ASAP1: variants seen among roughly 807,000 people sequenced by gnomAD.
ASAP1 encodes ArfGAP with SH3 domain, ankyrin repeat and PH domain 1, also known as arf-GAP with SH3 domain, ANK repeat and PH domain-containing protein 1.
In ASAP1, 43 loss-of-function variants were observed where a neutral mutation model predicts 145.2. That is an observed-to-expected ratio of 0.30 (90% CI 0.23 to 0.38). ASAP1 has a LOEUF of 0.38. Among genes scored for constraint, ASAP1 ranks in the 10% least tolerant of loss-of-function variants. ASAP1 has a pLI of 1.00. For missense variants in ASAP1, 1,018 were observed against 1,355.3 expected (o/e 0.75, Z 3.91); for synonymous variants, 546 against 515.5 (o/e 1.06, Z -0.80).
At chr8:130,193,928 G>C (rs1265170552) in intron 5 of ASAP1, among the ~76,000 whole-genome samples, 1 of 152,142 alleles carries the variant, frequency 6.6e-6, no homozygotes, top group African/African-American at 2.4e-5. Context: ...GGCCTCATGT[G>C]ATCTGCCCGC....
At chr8:130,069,817 C>T (rs1345212672) in intron 27 of ASAP1, among the ~76,000 whole-genome samples, 1 of 152,044 alleles carries the variant, frequency 6.6e-6, no homozygotes, top group African/African-American at 2.4e-5. Context: ...ATGAAATTGC[C>T]TGGGGCAAAA....
At chr8:130,421,692 A>C (rs541179094) in intron 1 of ASAP1, among the ~76,000 whole-genome samples, 2 of 152,208 alleles carry the variant, frequency 1.3e-5, no homozygotes, top group Non-Finnish European at 2.9e-5. Flanking sequence ...ACTCCCACCG[A>C]ACTAGAAATA....
chr8:130,170,965 C>T (rs1446205501), intron 9 of ASAP1, among the ~76,000 whole-genome samples: 3 of 152,160 alleles, frequency 2.0e-5, no homozygotes, highest in Non-Finnish European at 1.5e-5. Context: ...ATCTGCTCTC[C>T]TTGGTCTCCC....
At chr8:130,128,699 C>G (rs1199259494) in intron 15 of ASAP1, among the ~76,000 whole-genome samples, 1 of 152,138 alleles carries the variant, frequency 6.6e-6, no homozygotes, top group Non-Finnish European at 1.5e-5. Flanking sequence ...TACAGTATGA[C>G]TACTGTATGT....
chr8:130,420,812 G>C (rs1171481103), intron 1 of ASAP1, among the ~76,000 whole-genome samples: 1 of 151,168 alleles, frequency 6.6e-6, no homozygotes, highest in African/African-American at 2.4e-5. Flanking sequence ...AGAATCACTT[G>C]AACTCGGGAG....
intron 27 of ASAP1, among the ~76,000 whole-genome samples, chr8:130,070,723 G>A (rs1391025088): frequency 1.3e-5 from 2 of 150,842 alleles, no homozygotes; most frequent in Non-Finnish European, 2.9e-5. Context: ...AATGGGGAAG[G>A]CAGTGCCTAG....
intron 28 of ASAP1, among the ~76,000 whole-genome samples, chr8:130,060,075 C>CAAAAAAAAAA (rs55875346): frequency 1.0e-5 from 1 of 95,916 alleles, no homozygotes; most frequent in African/African-American, 4.0e-5. Context: ...GAGCCCTTCT[C>CAAAAAAAAAA]AAAAAAAAAA....
rs139089533 is a variant in ASAP1 at position 130,145,692 on chromosome 8, T to C, written c.1080+7044A>G. 1.2e-4 allele frequency among the ~76,000 whole-genome samples: 18 copies of C among 152,304 alleles called. 1 individual carries two copies. In the East Asian group the frequency reaches 2.3e-3, roughly 20 times the overall value. On this transcript the variant is annotated intron_variant, in intron 13 of 29. Transcript: ENST00000518721. ...GGCTCCATGCCATATGTTTTACATA[T>C]ACTTGCTCACTTAATTCTGATAACC...
At chr8:130,431,623 T>C (rs1830137239) in intron 1 of ASAP1, among the ~76,000 whole-genome samples, 1 of 152,034 alleles carries the variant, frequency 6.6e-6, no homozygotes, top group African/African-American at 2.4e-5. Context: ...CCCTGCAAGG[T>C]GGAGTCAGGC....
intron 28 of ASAP1, among the ~76,000 whole-genome samples, chr8:130,060,114 G>C (rs983840597): frequency 2.7e-5 from 4 of 145,986 alleles, no homozygotes; most frequent in African/African-American, 1.0e-4. Flanking sequence ...AATAGAGAGA[G>C]AGAGAAAATA....
chr8:130,442,887 C>A (rs1830533871), intron 1 of ASAP1, among the ~76,000 whole-genome samples: 1 of 152,254 alleles, frequency 6.6e-6, no homozygotes, highest in South Asian at 2.1e-4. Context: ...AAACACAAGC[C>A]ACTTCACGGT....
chr8:130,086,400 GCACTTACAAGTGATGGC>G (rs1286139624), intron 25 of ASAP1, among the ~76,000 whole-genome samples: 1 of 152,220 alleles, frequency 6.6e-6, no homozygotes, highest in Non-Finnish European at 1.5e-5. Context: ...ACTCTGTGAG[GCACTTACAAGTGATGGC>G]CTTATAAAAT....
chr8:130,322,521 T>C (rs1824071116), intron 3 of ASAP1, among the ~76,000 whole-genome samples: 1 of 152,208 alleles, frequency 6.6e-6, no homozygotes, highest in Admixed American at 6.5e-5. Context: ...ATGGCACATA[T>C]ATCTTAAGTA....
At chr8:130,282,752 T>G (rs1412545592) in intron 3 of ASAP1, among the ~76,000 whole-genome samples, 2 of 152,162 alleles carry the variant, frequency 1.3e-5, no homozygotes, top group African/African-American at 4.8e-5. Context: ...CACAAATAAT[T>G]TGAAATAGAG....
intron 1 of ASAP1, among the ~76,000 whole-genome samples, chr8:130,424,208 C>T (rs578027142): frequency 4.4e-4 from 67 of 152,354 alleles, no homozygotes; most frequent in Non-Finnish European, 7.2e-4. Context: ...AATGTCCTCA[C>T]ATGAGACTGC....
chr8:130,215,852 G>A (rs1424376868), intron 4 of ASAP1, among the ~76,000 whole-genome samples: 2 of 151,948 alleles, frequency 1.3e-5, no homozygotes, highest in South Asian at 2.1e-4. Flanking sequence ...TGGAGACTGG[G>A]AAGTCGAGGC....
At chr8:130,155,523 C>T (rs1023504828) in intron 12 of ASAP1, among the ~76,000 whole-genome samples, 5 of 152,200 alleles carry the variant, frequency 3.3e-5, no homozygotes, top group Non-Finnish European at 5.9e-5. Flanking sequence ...TGTGCCACTA[C>T]GCCTGGCTAA....
chr8:130,179,092 T>C (rs1452725574), intron 9 of ASAP1, 172 bp downstream of exon 9: 2 of 491,840 alleles, frequency 4.1e-6, no homozygotes, highest in Non-Finnish European at 7.3e-6. Flanking sequence ...CTGATTTGTA[T>C]AAAACACTGA....
rs542037386 is a variant in ASAP1, at chr8:130,052,923, G to T, written c.*1808C>A. 6.6e-6 allele frequency: 1 copy of T among 152,114 alleles called. No individual in the cohort carries two copies. The highest frequency in any genetic ancestry group is 1.5e-5 in the Non-Finnish European group (1 of 68,026). 9.4% of individuals were successfully genotyped at this position (152,114 alleles called of 1,614,324 possible). ...CTTCAGTACCGAGGCTGCTAAAGCT[G>T]CCAGTCACAACCCAGCATGTCAACT... On this transcript the variant is annotated 3_prime_UTR_variant, in exon 30 of 30. Coordinates refer to ENST00000518721, the MANE Select transcript of ASAP1 (RefSeq NM_018482.4).
Sources: gnomAD v4.1 joint callset for allele counts (sites outside exome capture counted in the v4.1 genomes callset) on GRCh38, gnomAD v4.1.1 for gene constraint, MANE v1.5 for transcripts, NCBI Gene and HGNC (gene_info 2026-07-23, HGNC 2026-07-21) for gene names.